The following SMOC1 variants were observed in gnomAD, a reference collection of about 807,000 sequenced individuals.
The protein encoded by SMOC1 is SPARC related modular calcium binding 1.
In SMOC1, 22 loss-of-function variants were observed where a neutral mutation model predicts 56.3. The observed-to-expected ratio is 0.39, with a 90% confidence interval of 0.28 to 0.56. The LOEUF (loss-of-function observed/expected upper bound fraction) is 0.56, where lower values mean the gene tolerates loss of function less well. Among genes scored for constraint, SMOC1 ranks in the 20% least tolerant of loss-of-function variants. The pLI is 0.61. For missense variants in SMOC1, 509 were observed against 565.4 expected, an observed-to-expected ratio of 0.90 and a Z score of 1.01; for synonymous variants, 193 against 215.0, an observed-to-expected ratio of 0.90 and a Z score of 0.89.
At chr14:69,885,972 A>G in intron 1 of SMOC1, 1 of 1,588,262 alleles carries the variant, frequency 6.3e-7, no homozygotes, top group South Asian at 1.1e-5. Context: ...TAGCGGGGCC[A>G]TTTCACAAAG....
chr14:69,934,917 C>T (rs1243649685), intron 1 of SMOC1, among the ~76,000 whole-genome samples: 1 of 152,112 alleles, frequency 6.6e-6, no homozygotes, highest in Non-Finnish European at 1.5e-5. Context: ...CAGAAGATTA[C>T]CTCTTGGGTG....
Position 69,984,793 on chromosome 14 carries a change from G to T in SMOC1, c.526+6828G>T, listed in dbSNP as rs1434503850. Among the ~76,000 whole-genome samples, 5 of 151,966 alleles carry T rather than the reference G, an allele frequency of 3.3e-5. No homozygotes were observed. In the East Asian group the frequency reaches 5.8e-4, roughly 18 times the overall value. On this transcript the variant is annotated intron_variant, in intron 5 of 11. Transcript: ENST00000361956. ...AATCACTTGAACCCAGGAGGTGGAGGTTGCAGTGAGCCGAGATCGCGCCAC... is the reference window on the plus strand; with the variant it reads ...AATCACTTGAACCCAGGAGGTGGAGTTTGCAGTGAGCCGAGATCGCGCCAC...
At chr14:69,956,769 A>G (rs1883201434) in intron 3 of SMOC1, among the ~76,000 whole-genome samples, 1 of 152,034 alleles carries the variant, frequency 6.6e-6, no homozygotes, top group African/African-American at 2.4e-5. Context: ...CCCAACTCAC[A>G]CACAGGAGTG....
chr14:69,967,728 A>G (rs1227855653), intron 3 of SMOC1, among the ~76,000 whole-genome samples: 1 of 152,244 alleles, frequency 6.6e-6, no homozygotes, highest in African/African-American at 2.4e-5. Flanking sequence ...CCTGTTTCAT[A>G]GATAGGCTCA....
chr14:69,937,857 G>A lies in SMOC1; in HGVS notation c.100-14281G>A, dbSNP rs1882379676. On this transcript the variant is annotated intron_variant, in intron 1 of 11. Coordinates refer to ENST00000361956, the MANE Select transcript of SMOC1 (RefSeq NM_001034852.3). ...GTACAGCAGGATCTCAAATGACAGT[G>A]GAAATAGCAATGAAAGGAAGCACAC... Among the ~76,000 whole-genome samples the A allele has an allele frequency of 2.0e-5, 3 of 152,274 alleles. No individual in the cohort carries two copies. The South Asian group carries it at 6.2e-4, about 32-fold the overall frequency.
intron 1 of SMOC1, among the ~76,000 whole-genome samples, chr14:69,905,745 G>A (rs1359924816): frequency 6.6e-6 from 1 of 152,128 alleles, no homozygotes; most frequent in African/African-American, 2.4e-5. Flanking sequence ...AAGGGTGAAG[G>A]TGAAAGGGAG....
chr14:69,996,033 T>C (rs1286329522), intron 7 of SMOC1, among the ~76,000 whole-genome samples: 2 of 152,298 alleles, frequency 1.3e-5, no homozygotes, highest in Admixed American at 6.5e-5. Context: ...AAGACCCCCA[T>C]GAGTTAATTC....
At chr14:69,909,201 G>A (rs957767446) in intron 1 of SMOC1, among the ~76,000 whole-genome samples, 15 of 152,272 alleles carry the variant, frequency 9.9e-5, no homozygotes, top group Non-Finnish European at 5.9e-5. Flanking sequence ...TTATCTATTG[G>A]TGATGGCACC....
chr14:69,882,697 G>C (rs183200298), intron 1 of SMOC1, among the ~76,000 whole-genome samples: 3 of 152,162 alleles, frequency 2.0e-5, no homozygotes, highest in African/African-American at 4.8e-5. Context: ...GTGTCTGGCC[G>C]ATGGTCAAGC....
chr14:69,952,538 A>G (rs1029460910), intron 2 of SMOC1, among the ~76,000 whole-genome samples: 13 of 152,218 alleles, frequency 8.5e-5, no homozygotes, highest in Admixed American at 2.6e-4. Flanking sequence ...ATGTGCTGCT[A>G]TCTGGCCAGC....
intron 1 of SMOC1, among the ~76,000 whole-genome samples, chr14:69,902,084 T>G (rs913851730): frequency 2.0e-5 from 3 of 152,220 alleles, no homozygotes; most frequent in Non-Finnish European, 2.9e-5. Context: ...GGAATGGTCA[T>G]GTGACTTATG....
chr14:70,002,661 G>A (rs1367500179), intron 7 of SMOC1, among the ~76,000 whole-genome samples: 3 of 152,234 alleles, frequency 2.0e-5, no homozygotes, highest in Non-Finnish European at 4.4e-5. Flanking sequence ...CATGGTAGCA[G>A]GGCAGAGTCG....
At chr14:69,921,481 A>G (rs1041000756) in intron 1 of SMOC1, among the ~76,000 whole-genome samples, 3 of 152,128 alleles carry the variant, frequency 2.0e-5, no homozygotes, top group East Asian at 1.9e-4. Context: ...GGGGACATCA[A>G]TTCATTCAAC....
chr14:69,984,431 G>C (rs547262899), intron 5 of SMOC1, among the ~76,000 whole-genome samples: 4 of 152,164 alleles, frequency 2.6e-5, no homozygotes, highest in South Asian at 2.1e-4. Context: ...TGCTGTTAGA[G>C]AATTAAGAAA....
chr14:70,013,436 C>G lies in SMOC1; in HGVS notation c.991C>G (p.Leu331Val), dbSNP rs776533946. 1.2e-6 allele frequency: 2 copies of G among 1,614,196 alleles called. No homozygotes were observed. The highest frequency in any genetic ancestry group is 1.7e-6 in the Non-Finnish European group (2 of 1,180,048). ...GTTTATCACCAGCCTACTGGATGCTCTCACCACTGACATGGTTCAGGCCAT... is the reference window on the plus strand; with the variant it reads ...GTTTATCACCAGCCTACTGGATGCTGTCACCACTGACATGGTTCAGGCCAT... ...MEFITSLLDALTTDMVQAINS... is the reference protein window; with the variant it reads ...MEFITSLLDAVTTDMVQAINS... Residue 331 changes from leucine (L) to valine (V), a missense_variant, in exon 10 of 12, where the codon CTC (leucine) becomes GTC (valine). Leu to Val is a conservative substitution (Grantham distance 32). Transcript: ENST00000361956.
intron 7 of SMOC1, 113 bp downstream of exon 7, chr14:69,994,593 C>G: frequency 1.2e-6 from 1 of 844,240 alleles, no homozygotes; most frequent in African/African-American, 1.7e-5. Context: ...GTCTGGTTGT[C>G]AATTTCTATA....
At chr14:70,005,386 T>A (rs1180958377) in intron 7 of SMOC1, among the ~76,000 whole-genome samples, 3 of 152,148 alleles carry the variant, frequency 2.0e-5, no homozygotes, top group Non-Finnish European at 4.4e-5. Context: ...CCTCTCTTGG[T>A]GGGATGTGAA....
Position 69,981,518 on chromosome 14 carries a change from G to A in SMOC1, c.526+3553G>A, listed in dbSNP as rs560452140. ...TTGGTCCTGGCCCTTAAAGAGAGAC[G>A]TGTGTGTGTTGTGTGTGTGGGAGAG... is the stretch of plus-strand genomic sequence containing the variant. On this transcript the variant is annotated intron_variant, in intron 5 of 11. Coordinates refer to ENST00000361956, the MANE Select transcript of SMOC1 (RefSeq NM_001034852.3). 3.3e-5 allele frequency among the ~76,000 whole-genome samples: 5 copies of A among 152,092 alleles called. No individual in the cohort carries two copies. In the East Asian group the frequency reaches 7.7e-4, roughly 23 times the overall value.
In SMOC1 at chr14:69,989,926, C is replaced by G. The variant is rs1159889136; in HGVS notation, c.527-2491C>G. ...TGCTGTTCGCTTTGGCTTGGCTTCC[C>G]AGCCTTTGAGCATGCTGGATGTCAC... On this transcript the variant is annotated intron_variant, in intron 5 of 11. Coordinates refer to ENST00000361956, the MANE Select transcript of SMOC1 (RefSeq NM_001034852.3). 7.2e-5 allele frequency among the ~76,000 whole-genome samples: 11 copies of G among 152,308 alleles called. No homozygotes were observed. In the East Asian group the frequency reaches 1.9e-3, roughly 27 times the overall value.
Sources: allele counts gnomAD v4.1 joint callset (sites outside exome capture counted in the v4.1 genomes callset), GRCh38; gene constraint gnomAD v4.1.1; transcripts MANE v1.5; gene names NCBI Gene and HGNC (gene_info 2026-07-23, HGNC 2026-07-21).